CWC27: variants seen among roughly 807,000 people sequenced by gnomAD.
The protein encoded by CWC27 is CWC27 spliceosome associated cyclophilin.
In CWC27, 47 loss-of-function variants were observed where a neutral mutation model predicts 63.6. The observed-to-expected ratio is 0.74, with a 90% CI of 0.58 to 0.94. The LOEUF (loss-of-function observed/expected upper bound fraction) is 0.94. CWC27 is among the 40% of genes least tolerant of loss of function. The pLI, the probability that CWC27 is intolerant of heterozygous loss-of-function variation, is 0.00. For synonymous variants in CWC27, 175 were observed against 179.8 expected (o/e 0.97, Z 0.22); for missense variants, 495 against 554.3 (o/e 0.89, Z 1.07).
At chr5:64,839,619 G>A (rs1745749800) in intron 10 of CWC27, among the ~76,000 whole-genome samples, 1 of 152,152 alleles carries the variant, frequency 6.6e-6, no homozygotes, top group Admixed American at 6.5e-5. Flanking sequence ...TATCTCCACA[G>A]GAAAATACTG....
At chr5:64,772,266 T>C (rs1288085345) in intron 1 of CWC27, among the ~76,000 whole-genome samples, 2 of 152,142 alleles carry the variant, frequency 1.3e-5, no homozygotes, top group Non-Finnish European at 2.9e-5. Flanking sequence ...ATCCATGAGC[T>C]GTGGGGAGAA....
chr5:64,939,451 AG>A (rs1209750494), intron 11 of CWC27, among the ~76,000 whole-genome samples: 1 of 152,214 alleles, frequency 6.6e-6, no homozygotes, highest in African/African-American at 2.4e-5. Context: ...TGGAGGCTGC[AG>A]AACAGCAAAG....
intron 10 of CWC27, among the ~76,000 whole-genome samples, chr5:64,864,412 G>T (rs1054758736): frequency 7.9e-5 from 12 of 152,206 alleles, no homozygotes; most frequent in African/African-American, 2.9e-4. Context: ...GGTTTCTGAA[G>T]TGGGTGGCAG....
At chr5:64,801,954 T>A (rs534188477) in intron 9 of CWC27, among the ~76,000 whole-genome samples, 2 of 152,312 alleles carry the variant, frequency 1.3e-5, no homozygotes, top group South Asian at 4.1e-4. Flanking sequence ...GAACACAGAT[T>A]TATCTATTAT....
At chr5:64,940,561 C>T (rs1451797906) in intron 11 of CWC27, among the ~76,000 whole-genome samples, 1 of 152,152 alleles carries the variant, frequency 6.6e-6, no homozygotes, top group African/African-American at 2.4e-5. Flanking sequence ...CCTATTCAGC[C>T]ATCTTGCCAG....
chr5:64,931,151 A>G (rs1413548922), intron 11 of CWC27, among the ~76,000 whole-genome samples: 2 of 152,142 alleles, frequency 1.3e-5, no homozygotes, highest in Admixed American at 6.5e-5. Flanking sequence ...TCTGAACTTG[A>G]TATACCTGAA....
At chr5:64,785,030 T>G (rs1743833002) in intron 4 of CWC27, among the ~76,000 whole-genome samples, 1 of 152,236 alleles carries the variant, frequency 6.6e-6, no homozygotes, top group African/African-American at 2.4e-5. Context: ...ATACCTTCTT[T>G]GATCCTCATT....
At chr5:65,013,186 G>A (rs1393070971) in intron 13 of CWC27, among the ~76,000 whole-genome samples, 1 of 152,232 alleles carries the variant, frequency 6.6e-6, no homozygotes, top group Non-Finnish European at 1.5e-5. Context: ...TCACTAGTAT[G>A]AGTGAGTGGA....
chr5:64,817,358 C>T (rs1486622295), intron 10 of CWC27, among the ~76,000 whole-genome samples: 1 of 152,060 alleles, frequency 6.6e-6, no homozygotes, highest in South Asian at 2.1e-4. Context: ...GACCTAAAGA[C>T]AAATTTATAA....
At chr5:64,818,154 A>C (rs558556999) in intron 10 of CWC27, among the ~76,000 whole-genome samples, 1 of 152,230 alleles carries the variant, frequency 6.6e-6, no homozygotes, top group East Asian at 1.9e-4. Context: ...CTTAAGGTCA[A>C]AGGCAGATGT....
At chr5:64,945,097 C>T (rs567311461) in intron 11 of CWC27, among the ~76,000 whole-genome samples, 1 of 152,114 alleles carries the variant, frequency 6.6e-6, no homozygotes, top group African/African-American at 2.4e-5. Flanking sequence ...CTTTTCTGGA[C>T]TGTGGTTCCT....
At chr5:64,932,475 C>T (rs1748258423) in intron 11 of CWC27, among the ~76,000 whole-genome samples, 1 of 152,098 alleles carries the variant, frequency 6.6e-6, no homozygotes, top group Non-Finnish European at 1.5e-5. Context: ...CCTTACATGG[C>T]ACTGTTTAGA....
At chr5:64,882,085 G>T (rs1746952063) in intron 10 of CWC27, among the ~76,000 whole-genome samples, 1 of 152,142 alleles carries the variant, frequency 6.6e-6, no homozygotes, top group Non-Finnish European at 1.5e-5. Flanking sequence ...ATAGCTTTAA[G>T]AAATAGGAAA....
chr5:64,905,200 C>CAAAAAAAAAAAAAAAAAAAAAAA (rs71608574), intron 11 of CWC27, among the ~76,000 whole-genome samples: 2 of 55,558 alleles, frequency 3.6e-5, no homozygotes, highest in African/African-American at 1.3e-4. Context: ...CACTACATCT[C>CAAAAAAAAAAAAAAAAAAAAAAA]AAAAAAAAAA....
chr5:64,856,681 G>T (rs1316891645), intron 10 of CWC27, among the ~76,000 whole-genome samples: 1 of 152,060 alleles, frequency 6.6e-6, no homozygotes, highest in Non-Finnish European at 1.5e-5. Context: ...TGGAAGAAAA[G>T]ATTATATTAA....
chr5:64,798,345 T>C (rs1404689691), intron 7 of CWC27, among the ~76,000 whole-genome samples: 2 of 152,154 alleles, frequency 1.3e-5, no homozygotes, highest in Non-Finnish European at 2.9e-5. Context: ...TTGAAACTCA[T>C]TTGGTCCAAC....
intron 13 of CWC27, among the ~76,000 whole-genome samples, chr5:64,989,248 T>A (rs373858795): frequency 6.6e-6 from 1 of 152,352 alleles, no homozygotes; most frequent in African/African-American, 2.4e-5. Flanking sequence ...TTCTCACATA[T>A]GTACTGTTCT....
chr5:64,912,069 G>C (rs1315645617), intron 11 of CWC27, among the ~76,000 whole-genome samples: 1 of 126,502 alleles, frequency 7.9e-6, no homozygotes, highest in Non-Finnish European at 1.6e-5. Context: ...GCGAGACTCT[G>C]TCTCAAAAAA....
At position 64,917,607 on chromosome 5, in the gene CWC27, G is replaced by A. The variant is rs931057067; in HGVS notation, c.1042+32061G>A. 6.7e-5 allele frequency among the ~76,000 whole-genome samples: 10 copies of A among 150,218 alleles called. 1 individual carries two copies. The highest frequency in any genetic ancestry group is 5.9e-4 in the Admixed American group (9 of 15,258). ...TAGAGCAGATTACCCTTCCTAATGT[G>A]GGTGGCCCTCATCCAATCAATTGAG... is the stretch of plus-strand genomic sequence containing the variant. On this transcript the variant is annotated intron_variant, in intron 11 of 13. Transcript: ENST00000381070.
Sources: gnomAD v4.1 joint callset for allele counts (sites outside exome capture counted in the v4.1 genomes callset) on GRCh38, gnomAD v4.1.1 for gene constraint, MANE v1.5 for transcripts, NCBI Gene and HGNC (gene_info 2026-07-23, HGNC 2026-07-21) for gene names.